Variants in EPB41L4A observed in about 807,000 individuals in gnomAD.
EPB41L4A encodes band 4.1-like protein 4A.
In EPB41L4A, 100 loss-of-function variants were observed where a neutral mutation model predicts 108.6. That is an observed-to-expected ratio of 0.92 (90% confidence interval 0.78 to 1.09). The LOEUF is 1.09. Among genes scored for constraint, EPB41L4A ranks in the 50% least tolerant of loss-of-function variants. The pLI is 0.00. For synonymous variants in EPB41L4A, 319 were observed against 289.0 expected, an observed-to-expected ratio of 1.10 and a Z score of -1.05; for missense variants, 1,030 against 842.7, an observed-to-expected ratio of 1.22 and a Z score of -2.75.
intron 1 of EPB41L4A, among the ~76,000 whole-genome samples, chr5:112,321,873 C>T (rs1406252201): frequency 6.6e-6 from 1 of 152,164 alleles, no homozygotes; most frequent in African/African-American, 2.4e-5. Flanking sequence ...GGCAGAAACA[C>T]TGTTTATAAC....
At chr5:112,236,234 A>G (rs937443707) in intron 11 of EPB41L4A, among the ~76,000 whole-genome samples, 1 of 152,202 alleles carries the variant, frequency 6.6e-6, no homozygotes, top group Non-Finnish European at 1.5e-5. Flanking sequence ...AATAAGACCA[A>G]GGACCAGAAG....
Position 112,219,263 on chromosome 5 carries a change from G to A in EPB41L4A, c.1088-9281C>T, listed in dbSNP as rs1019789806. On this transcript the variant is annotated intron_variant, in intron 12 of 22. Coordinates refer to ENST00000261486, the MANE Select transcript of EPB41L4A (RefSeq NM_022140.5). ...TTAATCATGGGGGTGGTTCCCCCATGCTATTCTCGTGATAGTGAGTGAACT... is the reference window on the plus strand; with the variant it reads ...TTAATCATGGGGGTGGTTCCCCCATACTATTCTCGTGATAGTGAGTGAACT... 4.0e-4 allele frequency among the ~76,000 whole-genome samples: 61 copies of A among 152,288 alleles called. 1 individual carries two copies. Among genetic ancestry groups the A allele is most frequent in the African/African-American group, 1.5e-3 (61 of 41,564 alleles).
In EPB41L4A at chr5:112,305,386, G is replaced by A. The variant is rs536218209; in HGVS notation, c.204+2000C>T. On this transcript the variant is annotated intron_variant, in intron 2 of 22. Coordinates refer to ENST00000261486, the MANE Select transcript of EPB41L4A (RefSeq NM_022140.5). ...GCAGACAACTTCTCTGCTATGTGAG[G>A]TCCCGAATGTACAGTAATTCAATCA... 2.0e-5 allele frequency among the ~76,000 whole-genome samples: 3 copies of A among 152,178 alleles called. No individual in the cohort carries two copies. The East Asian group carries it at 5.8e-4, about 29-fold the overall frequency.
intron 9 of EPB41L4A, among the ~76,000 whole-genome samples, chr5:112,255,736 T>A (rs1232856161): frequency 6.6e-6 from 1 of 152,186 alleles, no homozygotes; most frequent in Non-Finnish European, 1.5e-5. Context: ...CAGATGCCAA[T>A]TTTATATATT....
chr5:112,253,789 T>C (rs1750862613), intron 9 of EPB41L4A, among the ~76,000 whole-genome samples: 1 of 152,206 alleles, frequency 6.6e-6, no homozygotes, highest in Non-Finnish European at 1.5e-5. Flanking sequence ...TAAATGAATA[T>C]GTTCTTCGTA....
intron 1 of EPB41L4A, among the ~76,000 whole-genome samples, chr5:112,341,308 C>G (rs910940948): frequency 3.9e-5 from 6 of 152,164 alleles, no homozygotes; most frequent in Non-Finnish European, 7.3e-5. Context: ...ATGCCTTAAC[C>G]TTCCTAAAAC....
chr5:112,254,178 G>A (rs1441074285), intron 9 of EPB41L4A, among the ~76,000 whole-genome samples: 1 of 152,118 alleles, frequency 6.6e-6, no homozygotes, highest in Admixed American at 6.5e-5. Context: ...CTTACTACAT[G>A]CCAATTTCTG....
intron 4 of EPB41L4A, among the ~76,000 whole-genome samples, chr5:112,272,656 C>T (rs1252314408): frequency 1.3e-5 from 2 of 151,476 alleles, no homozygotes; most frequent in East Asian, 3.9e-4. Context: ...TGGTGGGCGC[C>T]TGTAATCCCA....
intron 17 of EPB41L4A, among the ~76,000 whole-genome samples, chr5:112,192,971 A>T (rs778108080): frequency 1.3e-5 from 2 of 152,192 alleles, no homozygotes; most frequent in Non-Finnish European, 2.9e-5. Flanking sequence ...GAAATACTGA[A>T]TTTTTTATCA....
chr5:112,269,914 G>A (rs1194826804), intron 4 of EPB41L4A, among the ~76,000 whole-genome samples: 2 of 152,134 alleles, frequency 1.3e-5, no homozygotes, highest in Non-Finnish European at 2.9e-5. Flanking sequence ...GGAGCATTCT[G>A]TCTTCCACTC....
intron 1 of EPB41L4A, among the ~76,000 whole-genome samples, chr5:112,383,444 TTG>T (rs955484189): frequency 6.6e-6 from 1 of 152,158 alleles, no homozygotes; most frequent in Non-Finnish European, 1.5e-5. Flanking sequence ...AAAGAAAAAT[TTG>T]AACAAATGGA....
intron 13 of EPB41L4A, chr5:112,205,961 G>A (rs1762453475): frequency 6.4e-6 from 1 of 156,922 alleles, no homozygotes; most frequent in Non-Finnish European, 1.4e-5. Context: ...GCAGGTTCAG[G>A]CTATTCAAAC....
chr5:112,157,490 T>C (rs991103534), intron 12 of EPB41L4A, among the ~76,000 whole-genome samples: 1 of 152,218 alleles, frequency 6.6e-6, no homozygotes, highest in African/African-American at 2.4e-5. Context: ...ATACATTCAT[T>C]ATCTCACAGC....
At position 112,307,430 on chromosome 5, in the gene EPB41L4A, T is replaced by C. The variant is rs546171252; in HGVS notation, c.160A>G (p.Ile54Val). The stretch of plus-strand genomic sequence containing the variant: ...CAGTAACGTAGCCCAAAATAATCTA[T>C]CTCCACAAGGTTTACGTGATGGAAT... Reference protein sequence around the residue: ...HVFHHVNLVEIDYFGLRYCDR... With the variant: ...HVFHHVNLVEVDYFGLRYCDR... The change falls in exon 2 of 23, where the codon ATA becomes GTA. Residue 54 changes from isoleucine to valine, a missense_variant. Coordinates refer to ENST00000261486, the MANE Select transcript of EPB41L4A (RefSeq NM_022140.5). 88 of 1,613,274 alleles carry C rather than the reference T, an allele frequency of 5.5e-5. 2 individuals are homozygous for C. In the South Asian group the frequency reaches 9.4e-4, roughly 17 times the overall value.
At chr5:112,329,342 T>G (rs1333571614) in intron 1 of EPB41L4A, among the ~76,000 whole-genome samples, 1 of 152,200 alleles carries the variant, frequency 6.6e-6, no homozygotes. Flanking sequence ...AGCACCATAG[T>G]GAAGTTTTTC....
chr5:112,209,517 A>G (rs967328862), intron 13 of EPB41L4A, among the ~76,000 whole-genome samples: 9 of 152,384 alleles, frequency 5.9e-5, no homozygotes, highest in African/African-American at 1.7e-4. Context: ...GTGCACCACT[A>G]TAATGAACAC....
chr5:112,347,224 T>C (rs1389028527), intron 1 of EPB41L4A, among the ~76,000 whole-genome samples: 1 of 152,218 alleles, frequency 6.6e-6, no homozygotes, highest in African/African-American at 2.4e-5. Context: ...TGTGATCCAT[T>C]AGGGGATCCA....
chr5:112,145,053 G>A (rs569253012), intron 13 of EPB41L4A, among the ~76,000 whole-genome samples: 1 of 152,352 alleles, frequency 6.6e-6, no homozygotes, highest in East Asian at 1.9e-4. Context: ...ACTTTGGGAG[G>A]CCGAGGTGGG....
At chr5:112,385,214 G>A (rs1580802705) in intron 1 of EPB41L4A, among the ~76,000 whole-genome samples, 1 of 152,090 alleles carries the variant, frequency 6.6e-6, no homozygotes, top group East Asian at 1.9e-4. Flanking sequence ...GGTGCTTCCA[G>A]GAAAAATGCT....
Sources: allele counts gnomAD v4.1 joint callset (sites outside exome capture counted in the v4.1 genomes callset), GRCh38; gene constraint gnomAD v4.1.1; transcripts MANE v1.5; gene names NCBI Gene and HGNC (gene_info 2026-07-23, HGNC 2026-07-21).